The following ZNF736 variants were observed in gnomAD, a reference collection of about 807,000 sequenced individuals.
ZNF736 encodes KRAB-containing zinc-finger repressor protein.
In ZNF736, 6 loss-of-function variants were observed where a neutral mutation model predicts 11.7. The ratio of observed to expected loss-of-function variants is 0.51; its 90% CI spans 0.28 to 1.01. The LOEUF is 1.01. ZNF736 is among the 50% of genes least tolerant of loss of function. The pLI, the probability that ZNF736 is intolerant of heterozygous loss-of-function variation, is 0.09. For missense variants in ZNF736, 444 were observed against 496.0 expected (o/e 0.90, Z 1.00); for synonymous variants, 139 against 164.7 (o/e 0.84, Z 1.19).
In ZNF736 at chr7:64,314,164, G is replaced by C. The variant is rs376199141; in HGVS notation, c.3+11G>C. ...GGAGGCTGGGAAATGGTGAGTGCGT[G>C]GAGTGGGTGTCCCGAGAATGGGGAA... On this transcript the variant is annotated intron_variant, in intron 1 of 3. Transcript: ENST00000423484. 1.3e-6 allele frequency: 2 copies of C among 1,551,990 alleles called. No homozygotes were observed. The highest frequency in any genetic ancestry group is 1.7e-6 in the Non-Finnish European group (2 of 1,147,276).
chr7:64,314,248 T>A (rs374483341), intron 1 of ZNF736, 95 bp downstream of exon 1: 1 of 1,475,280 alleles, frequency 6.8e-7, no homozygotes, highest in African/African-American at 1.4e-5. Context: ...TCTCGCGGTC[T>A]GCTCTGGAGT....
intron 3 of ZNF736, among the ~76,000 whole-genome samples, chr7:64,341,513 A>AT (rs1789337390): frequency 1.3e-5 from 2 of 151,914 alleles, no homozygotes; most frequent in Admixed American, 6.6e-5. Flanking sequence ...TTTTTTCCTC[A>AT]TTTTCTTGTC....
intron 1 of ZNF736, among the ~76,000 whole-genome samples, chr7:64,325,274 G>A (rs899950387): frequency 2.6e-5 from 4 of 151,762 alleles, no homozygotes; most frequent in East Asian, 1.9e-4. Context: ...TTTGTTTTTC[G>A]CCTGTAGAAA....
At chr7:64,339,028 T>A (rs1480406486) in intron 3 of ZNF736, among the ~76,000 whole-genome samples, 1 of 152,170 alleles carries the variant, frequency 6.6e-6, no homozygotes, top group African/African-American at 2.4e-5. Context: ...CTAACAGGTA[T>A]AAAGTAATAT....
intron 1 of ZNF736, among the ~76,000 whole-genome samples, chr7:64,331,269 G>A (rs1789161538): frequency 6.6e-6 from 1 of 152,186 alleles, no homozygotes; most frequent in South Asian, 2.1e-4. Context: ...ACTAGGGCTA[G>A]TCTGAGTGCT....
At chr7:64,330,109 G>A (rs992831840) in intron 1 of ZNF736, among the ~76,000 whole-genome samples, 4 of 152,048 alleles carry the variant, frequency 2.6e-5, no homozygotes, top group African/African-American at 7.2e-5. Context: ...CGGTCAGCTT[G>A]TGGTGAACTC....
At chr7:64,319,006 T>C (rs1490520962) in intron 1 of ZNF736, among the ~76,000 whole-genome samples, 1 of 152,162 alleles carries the variant, frequency 6.6e-6, no homozygotes, top group Non-Finnish European at 1.5e-5. Flanking sequence ...AGTTGTCCTC[T>C]ATAGTGACAA....
chr7:64,333,814 A>G (rs192342098), intron 1 of ZNF736, among the ~76,000 whole-genome samples: 2 of 152,184 alleles, frequency 1.3e-5, no homozygotes, highest in East Asian at 1.9e-4. Context: ...ATATGGAACC[A>G]AAAAAGAGCC....
At chr7:64,331,968 T>C (rs1172139007) in intron 1 of ZNF736, among the ~76,000 whole-genome samples, 1 of 152,194 alleles carries the variant, frequency 6.6e-6, no homozygotes, top group Non-Finnish European at 1.5e-5. Flanking sequence ...TTATCTGCAA[T>C]TCTAGGTCCT....
At chr7:64,340,220 C>G (rs552150778) in intron 3 of ZNF736, among the ~76,000 whole-genome samples, 1 of 152,146 alleles carries the variant, frequency 6.6e-6, no homozygotes, top group African/African-American at 2.4e-5. Context: ...GCAGAACTTG[C>G]CACAAACTGT....
intron 1 of ZNF736, among the ~76,000 whole-genome samples, chr7:64,329,201 T>C (rs1789123762): frequency 6.6e-6 from 1 of 152,142 alleles, no homozygotes; most frequent in African/African-American, 2.4e-5. Flanking sequence ...CTTTTTTGAA[T>C]TTCCTGTCTG....
chr7:64,326,090 TGTG>T (rs1789078747), intron 1 of ZNF736, among the ~76,000 whole-genome samples: 1 of 152,214 alleles, frequency 6.6e-6, no homozygotes, highest in South Asian at 2.1e-4. Flanking sequence ...GGTATCACAT[TGTG>T]GTTTAATTAT....
intron 1 of ZNF736, among the ~76,000 whole-genome samples, chr7:64,332,624 T>C (rs1789186464): frequency 6.6e-6 from 1 of 152,124 alleles, no homozygotes; most frequent in Non-Finnish European, 1.5e-5. Flanking sequence ...GGCAGAGTTT[T>C]TCCCCACCCT....
At chr7:64,332,854 G>A (rs1318881054) in intron 1 of ZNF736, among the ~76,000 whole-genome samples, 1 of 152,088 alleles carries the variant, frequency 6.6e-6, no homozygotes, top group African/African-American at 2.4e-5. Flanking sequence ...AGAAAAATAT[G>A]GCTCTTTTTG....
At chr7:64,338,044 T>C (rs1789284943) in intron 3 of ZNF736, among the ~76,000 whole-genome samples, 1 of 152,220 alleles carries the variant, frequency 6.6e-6, no homozygotes, top group African/African-American at 2.4e-5. Flanking sequence ...TATGAGCCAC[T>C]GTGCCCAGTC....
chr7:64,318,765 C>CAT (rs1159892508), intron 1 of ZNF736, among the ~76,000 whole-genome samples: 2 of 151,938 alleles, frequency 1.3e-5, no homozygotes, highest in African/African-American at 4.8e-5. Flanking sequence ...CATTTATAGA[C>CAT]ATATATATAC....
At chr7:64,323,911 A>G (rs540494453) in intron 1 of ZNF736, among the ~76,000 whole-genome samples, 1 of 152,350 alleles carries the variant, frequency 6.6e-6, no homozygotes, top group African/African-American at 2.4e-5. Context: ...AAAAGTAAAA[A>G]AATAAATACC....
intron 3 of ZNF736, among the ~76,000 whole-genome samples, chr7:64,337,751 T>TG (rs1381957522): frequency 2.5e-5 from 1 of 40,456 alleles, no homozygotes; most frequent in Non-Finnish European, 7.7e-5. Flanking sequence ...GTTTTGTTTT[T>TG]TTTGGTTTTT....
At chr7:64,346,572 GC>G (rs1485242375) in intron 3 of ZNF736, among the ~76,000 whole-genome samples, 2 of 151,960 alleles carry the variant, frequency 1.3e-5, no homozygotes, top group Non-Finnish European at 2.9e-5. Context: ...GCAGAAGCAT[GC>G]ATATAAATAA....
Sources: gnomAD v4.1 joint callset for allele counts (sites outside exome capture counted in the v4.1 genomes callset) on GRCh38, gnomAD v4.1.1 for gene constraint, MANE v1.5 for transcripts, NCBI Gene and HGNC (gene_info 2026-07-23, HGNC 2026-07-21) for gene names.